DNAH5: variants seen among roughly 807,000 people sequenced by gnomAD.
DNAH5 encodes axonemal beta dynein heavy chain 5.
In DNAH5, 372 loss-of-function variants were observed where a neutral mutation model predicts 518.2. The observed-to-expected ratio is 0.72, with a 90% confidence interval of 0.66 to 0.78. DNAH5 has a LOEUF of 0.78. Among genes scored for constraint, DNAH5 ranks in the 30% least tolerant of loss-of-function variants. DNAH5 has a pLI of 0.00. For missense variants in DNAH5, 5,523 were observed against 5,687.0 expected (o/e 0.97, Z 0.93); for synonymous variants, 2,039 against 2,025.9 (o/e 1.01, Z -0.17).
chr5:13,867,662 G>A (rs1769470012), intron 25 of DNAH5, 112 bp downstream of exon 25: 1 of 882,818 alleles, frequency 1.1e-6, no homozygotes, highest in African/African-American at 1.7e-5. Context: ...CCATTCCCTG[G>A]GAATTCCTAG....
rs746864840 is a variant in DNAH5 at position 13,701,325 on chromosome 5, C to T, written c.13450G>A (p.Gly4484Ser). ...AAAAATCCCTGGGGGTTAAAAAAACCCGTCATCCAAAAGCAGTGAGGTCGG... is the reference window on the plus strand; with the variant it reads ...AAAAATCCCTGGGGGTTAAAAAAACTCGTCATCCAAAAGCAGTGAGGTCGG... ...NGRPHCFWMTGFFNPQGFLTA... is the reference protein window; with the variant it reads ...NGRPHCFWMTSFFNPQGFLTA... Residue 4484 changes from glycine to serine, a missense_variant, in exon 77 of 79, where the codon GGT (glycine) becomes AGT (serine). By Grantham distance (56) the Gly-to-Ser change is moderately conservative. Around this residue, in one of 3 missense-constraint regions of DNAH5, gnomAD observed 387 missense variants for 430.0 expected, o/e 0.90. Transcript: ENST00000265104. The T allele has an allele frequency of 3.1e-6, 5 of 1,613,946 alleles. No homozygotes were observed. The highest frequency in any genetic ancestry group is 2.2e-5 in the East Asian group (1 of 44,862).
In DNAH5 at chr5:13,919,355, G is replaced by A; in HGVS notation, c.799-3C>T. The A allele has an allele frequency of 3.7e-6, 6 of 1,613,432 alleles. No individual in the cohort carries two copies. The highest frequency in any genetic ancestry group is 5.1e-6 in the Non-Finnish European group (6 of 1,179,716). ...AGCTGATTGTTTTCAGCAAGAACCT[G>A]CAAATGCGCGGGGAAAAACACGAGC... On this transcript the variant is annotated splice_region_variant and splice_polypyrimidine_tract_variant and intron_variant, in intron 6 of 78. Transcript: ENST00000265104.
At chr5:13,861,514 A>G (rs1257962166) in intron 29 of DNAH5, among the ~76,000 whole-genome samples, 1 of 152,246 alleles carries the variant, frequency 6.6e-6, no homozygotes, top group Non-Finnish European at 1.5e-5. Flanking sequence ...CACAATTACC[A>G]TATATTTGAG....
chr5:13,836,883 G>C (rs1222578965), intron 35 of DNAH5, among the ~76,000 whole-genome samples: 1 of 152,192 alleles, frequency 6.6e-6, no homozygotes, highest in Non-Finnish European at 1.5e-5. Flanking sequence ...AGAAGAAGGA[G>C]GGGAGATTCA....
At chr5:13,806,001 A>C (rs779433652) in intron 47 of DNAH5, among the ~76,000 whole-genome samples, 1 of 152,198 alleles carries the variant, frequency 6.6e-6, no homozygotes, top group Non-Finnish European at 1.5e-5. Flanking sequence ...GAGTTCATAC[A>C]GTCTCATGAA....
At position 13,824,312 on chromosome 5, in the gene DNAH5, G is replaced by A. The variant is rs779983997; in HGVS notation, c.6466C>T (p.Arg2156Cys). ...SKQVHYDFGL[R>C]NILSVLRTLG... ...GTCCGAAGAACTGACAGAATGTTAC[G>A]CAGGCCAAAGTCATAATGAACCTAG... The change falls in exon 39 of 79, where the codon CGT (arginine) becomes TGT (cysteine). Residue 2156 changes from arginine to cysteine, a missense_variant. Around this residue, in one of 3 missense-constraint regions of DNAH5, gnomAD observed 5,121 missense variants for 5,223.3 expected, o/e 0.98. Transcript: ENST00000265104. 1.1e-5 allele frequency: 17 copies of A among 1,613,880 alleles called. No homozygotes were observed. Among genetic ancestry groups the A allele is most frequent in the Admixed American group, 1.7e-5 (1 of 59,996 alleles).
In DNAH5 at chr5:13,863,348, TG is replaced by T. The variant is rs778319711; in HGVS notation, c.4597-602del. Among the ~76,000 whole-genome samples, 11 of 152,298 alleles carry T rather than the reference TG, an allele frequency of 7.2e-5. No homozygotes were observed. In the East Asian group the frequency reaches 1.7e-3, roughly 24 times the overall value. On this transcript the variant is annotated intron_variant, in intron 28 of 78. Coordinates refer to ENST00000265104, the MANE Select transcript of DNAH5 (RefSeq NM_001369.3). ...CATCCATTTGCCTACTGAACTTCCC[TG>T]CTGAGATGTTTCAAGGAAACCCCAA...
intron 15 of DNAH5, 186 bp downstream of exon 15, chr5:13,900,020 G>T: frequency 3.3e-6 from 2 of 599,498 alleles, no homozygotes; most frequent in Non-Finnish European, 5.9e-6. Context: ...TTCTCATCTT[G>T]GCCTGCAAGA....
intron 35 of DNAH5, among the ~76,000 whole-genome samples, chr5:13,837,986 G>A (rs932631616): frequency 6.6e-6 from 1 of 151,922 alleles, no homozygotes; most frequent in Non-Finnish European, 1.5e-5. Flanking sequence ...AAGCGTGAGC[G>A]AGCCACCATG....
At chr5:13,859,745 A>C in intron 29 of DNAH5, 140 bp from the exon 30 acceptor site, 1 of 777,770 alleles carries the variant, frequency 1.3e-6, no homozygotes. Flanking sequence ...AAGTGATGCA[A>C]CCAAGTGATT....
chr5:13,798,397 C>G (rs917039152), intron 47 of DNAH5, among the ~76,000 whole-genome samples: 2 of 152,058 alleles, frequency 1.3e-5, no homozygotes, highest in African/African-American at 4.8e-5. Context: ...ACAGAAAGGG[C>G]TTTGAAGTTC....
intron 1 of DNAH5, among the ~76,000 whole-genome samples, chr5:13,982,035 T>C (rs1782708949): frequency 6.6e-6 from 1 of 152,254 alleles, no homozygotes; most frequent in Non-Finnish European, 1.5e-5. Context: ...CTAAAAAGAA[T>C]GTTCATGTAT....
chr5:13,944,531 G>C lies in DNAH5; in HGVS notation c.-93C>G. On this transcript the variant is annotated 5_prime_UTR_variant, in exon 1 of 79. Transcript: ENST00000265104. ...CTCAACATCCAACAGGCTTCCAAAT[G>C]GAAAGTTTTACTTCCATTTTACTTT... is the stretch of plus-strand genomic sequence containing the variant. 9.1e-7 allele frequency: 1 copy of C among 1,093,878 alleles called. No individual in the cohort carries two copies. The highest frequency in any genetic ancestry group is 1.4e-6 in the Non-Finnish European group (1 of 726,202). 67.8% of individuals were successfully genotyped at this position (1,093,878 alleles called of 1,614,324 possible). A position where few individuals can be genotyped will look rare whatever the true frequency, so the allele number is the denominator to read the frequency against.
intron 71 of DNAH5, among the ~76,000 whole-genome samples, chr5:13,720,111 CAA>C (rs70964504): frequency 0.061 from 7,905 of 128,564 alleles, 335 homozygotes; most frequent in African/African-American, 0.13. Flanking sequence ...GAAAAAACAC[CAA>C]AAAAAAAAAA....
intron 1 of DNAH5, among the ~76,000 whole-genome samples, chr5:13,960,714 A>G (rs931056731): frequency 2.0e-5 from 3 of 152,100 alleles, no homozygotes; most frequent in Non-Finnish European, 2.9e-5. Context: ...GCCCGGCTCC[A>G]TGCTCACCTC....
rs767779035 is a variant in DNAH5, at chr5:13,894,821, T to G, written c.2260A>C (p.Met754Leu). Reference sequence around the variant, plus strand: ...ACTCTCTGATATTCAGCTAGCATCATCTGCAATGAAATTGGGGTTAAGTAA... The same window carrying G: ...ACTCTCTGATATTCAGCTAGCATCAGCTGCAATGAAATTGGGGTTAAGTAA... ...RYKRNFSNMK[M>L]MLAEYQRVKS... Residue 754 changes from methionine (M) to leucine (L), a missense_variant and splice_region_variant, in exon 16 of 79, where the codon ATG becomes CTG. Met to Leu is a conservative substitution (Grantham distance 15). Transcript: ENST00000265104. 1 of 1,613,172 alleles carries G rather than the reference T, an allele frequency of 6.2e-7. No homozygotes were observed. Among genetic ancestry groups the G allele is most frequent in the African/African-American group, 1.3e-5 (1 of 74,924 alleles).
rs190071460 is a variant in DNAH5 at position 13,966,235 on chromosome 5, A to G, written c.13-34991T>C. ...TGTATGTGTGTATGTGTGTATATAT[A>G]TCACATTTTCTTTATCCACTCGTCA... On this transcript the variant is annotated intron_variant, in intron 1 of 78. Transcript: ENST00000681290. Among the ~76,000 whole-genome samples, 27 of 152,028 alleles carry G rather than the reference A, an allele frequency of 1.8e-4. No individual in the cohort carries two copies. In the East Asian group the frequency reaches 5.0e-3, roughly 28 times the overall value.
intron 32 of DNAH5, among the ~76,000 whole-genome samples, chr5:13,842,423 AAAAGAAAG>A (rs77171541): frequency 0.081 from 6,185 of 75,916 alleles, 412 homozygotes; most frequent in Non-Finnish European, 0.092. Context: ...AAAAGAAAAG[AAAAGAAAG>A]AAAGAAAGAA....
chr5:13,985,819 A>C (rs1783015402), intron 1 of DNAH5, among the ~76,000 whole-genome samples: 1 of 152,130 alleles, frequency 6.6e-6, no homozygotes, highest in African/African-American at 2.4e-5. Flanking sequence ...CAGGATGCCC[A>C]TGAGAACCCC....
Sources: gnomAD v4.1 joint callset for allele counts (sites outside exome capture counted in the v4.1 genomes callset) on GRCh38, gnomAD v4.1.1 for gene constraint, gnomAD v4.1.1 regional missense constraint, MANE v1.5 for transcripts, NCBI Gene and HGNC (gene_info 2026-07-23, HGNC 2026-07-21) for gene names.